The following PLEKHG4 variants were observed in gnomAD, a reference collection of about 807,000 sequenced individuals.
The protein encoded by PLEKHG4 is puratrophin-1.
PLEKHG4 carries 85 observed loss-of-function variants against 136.9 expected under a neutral mutation model. The observed-to-expected ratio is 0.62, with a 90% CI of 0.52 to 0.74. The LOEUF (loss-of-function observed/expected upper bound fraction) is 0.74, where lower values mean the gene tolerates loss of function less well. PLEKHG4 is among the 30% of genes least tolerant of loss of function. The probability of loss-of-function intolerance (pLI) is 0.00; values close to 1 mark genes in which losing one functional copy is unlikely to be tolerated. For synonymous variants in PLEKHG4, 577 were observed against 646.9 expected (o/e 0.89, Z 1.64); for missense variants, 1,317 against 1,527.8 (o/e 0.86, Z 2.30).
In PLEKHG4 at chr16:67,279,965, C is replaced by A; in HGVS notation, c.-80C>A. 4 of 1,449,188 alleles carry A rather than the reference C, an allele frequency of 2.8e-6. No homozygotes were observed. Among genetic ancestry groups the A allele is most frequent in the Non-Finnish European group, 3.8e-6 (4 of 1,062,964 alleles). The allele number at this position is 1,449,188 out of a possible 1,614,324, so 89.8% of individuals were successfully genotyped here. A position where few individuals can be genotyped will look rare whatever the true frequency, so the allele number is the denominator to read the frequency against. On this transcript the variant is annotated 5_prime_UTR_variant, in exon 2 of 22. Coordinates refer to ENST00000379344, the MANE Select transcript of PLEKHG4 (RefSeq NM_001129729.3). ...CCTGCATTGCCCACTGAGTCCCACTCGACTGTCTTCAGCGCGGTTCACACT... is the reference window on the plus strand; with the variant it reads ...CCTGCATTGCCCACTGAGTCCCACTAGACTGTCTTCAGCGCGGTTCACACT...
At position 67,284,911 on chromosome 16, in the gene PLEKHG4, C is replaced by T. The variant is rs138070673; in HGVS notation, c.1891C>T (p.Arg631Trp). The change falls in exon 13 of 22, where the codon CGG becomes TGG. Residue 631 changes from arginine (R) to tryptophan (W), a missense_variant. Coordinates refer to ENST00000379344, the MANE Select transcript of PLEKHG4 (RefSeq NM_001129729.3). The surrounding 1 kb of genome is among the most constrained non-coding windows in gnomAD (Gnocchi z 4.4). ...IRQECRWAWA[R>W]CQDTWLALDQ... ...CCAGGAGTGCCGCTGGGCCTGGGCGCGGTGCCAGGACACCTGGCTGGCCCT... is the reference window on the plus strand; with the variant it reads ...CCAGGAGTGCCGCTGGGCCTGGGCGTGGTGCCAGGACACCTGGCTGGCCCT... The T allele has an allele frequency of 4.3e-4, 699 of 1,612,594 alleles. 3 individuals are homozygous for T. The highest frequency in any genetic ancestry group is 6.6e-4 in the Middle Eastern group (4 of 6,056).
At chr16:67,282,173 C>T (rs757141425) in intron 8 of PLEKHG4, 28 bp from the exon 9 acceptor site, 11 of 1,613,484 alleles carry the variant, frequency 6.8e-6, no homozygotes, top group Non-Finnish European at 3.4e-6. Context: ...CCATGGCCAC[C>T]TCCACAGCTT....
Position 67,281,589 on chromosome 16 carries a change from A to C in PLEKHG4, c.836A>C (p.Tyr279Ser). 6.2e-7 allele frequency: 1 copy of C among 1,613,784 alleles called. No homozygotes were observed. Among genetic ancestry groups the C allele is most frequent in the Non-Finnish European group, 8.5e-7 (1 of 1,179,870 alleles). ...CAGGAAGCAGCCCCAGGGGCCGTGTACCAGGTGCTGCTAGTGGGAAGCACG... is the reference window on the plus strand; with the variant it reads ...CAGGAAGCAGCCCCAGGGGCCGTGTCCCAGGTGCTGCTAGTGGGAAGCACG... ...QLQEAAPGAV[Y>S]QVLLVGSTLL... The change falls in exon 6 of 22, where the codon TAC (tyrosine) becomes TCC (serine). Residue 279 changes from tyrosine (Y) to serine (S), a missense_variant. Tyr to Ser is a moderately radical substitution (Grantham distance 144, BLOSUM62 -2). Coordinates refer to ENST00000379344, the MANE Select transcript of PLEKHG4 (RefSeq NM_001129729.3).
At chr16:67,287,547 G>A in intron 18 of PLEKHG4, 1 of 483,858 alleles carries the variant, frequency 2.1e-6, no homozygotes. Flanking sequence ...CTACAGGCAT[G>A]TGCCACCATG....
In PLEKHG4 at chr16:67,284,991, C is replaced by G; in HGVS notation, c.1971C>G (p.Ser657Arg). 6.2e-7 allele frequency: 1 copy of G among 1,613,470 alleles called. No individual in the cohort carries two copies. Among genetic ancestry groups the G allele is most frequent in the South Asian group, 1.1e-5 (1 of 91,082 alleles). ...TACCACCGGTGGGCAGCACAGCTAG[C>G]CTGTGTGTCAGCCAGGTCCCCGCTG... ...LKLPPVGSTA[S>R]LCVSQVPAAP... is the part of the protein sequence containing the mutation. Residue 657 changes from serine to arginine, a missense_variant, in exon 13 of 22, where the codon AGC (serine) becomes AGG (arginine). Physicochemically the swap from Ser to Arg is moderately radical, Grantham distance 110. Transcript: ENST00000379344. This position sits in a 1 kb window ranked among gnomAD's most constrained non-coding sequence, Gnocchi z 4.4.
rs914852664 is a variant in PLEKHG4, at chr16:67,280,526, C to T, written c.482C>T (p.Ser161Leu). 1 of 1,612,300 alleles carries T rather than the reference C, an allele frequency of 6.2e-7. No individual in the cohort carries two copies. The highest frequency in any genetic ancestry group is 8.5e-7 in the Non-Finnish European group (1 of 1,179,556). ...VGLGDPLSEI[S>L]KLLEAAPSGS... The stretch of plus-strand genomic sequence containing the variant: ...CTTGGAGACCCTTTATCAGAAATAT[C>T]AAAGCTGCTGGAGGCAGGTAAGGAA... The change falls in exon 2 of 22, where the codon TCA becomes TTA. Residue 161 changes from serine (S) to leucine (L), a missense_variant. By Grantham distance (145) the Ser-to-Leu change is moderately radical. Transcript: ENST00000379344. This position sits in a 1 kb window ranked among gnomAD's most constrained non-coding sequence, Gnocchi z 4.4.
rs1184031804 is a variant in PLEKHG4, at chr16:67,287,078, A to G, written c.3004A>G (p.Arg1002Gly). The G allele has an allele frequency of 1.9e-6, 3 of 1,613,276 alleles. No homozygotes were observed. Among genetic ancestry groups the G allele is most frequent in the Non-Finnish European group, 2.5e-6 (3 of 1,180,052 alleles). ...FEIWFRRRKA[R>G]DTFVLQASSL... ...GATCTGGTTCCGCCGCCGCAAGGCC[A>G]GGGACACCTTTGTGCTGCAGGCCTC... Residue 1002 changes from arginine (R) to glycine (G), a missense_variant, in exon 18 of 22, where the codon AGG becomes GGG. Arg to Gly is a moderately radical substitution (Grantham distance 125). Transcript: ENST00000379344.
chr16:67,280,724 C>T lies in PLEKHG4; in HGVS notation c.513C>T (p.Ser171=), dbSNP rs761452198. 36 of 1,613,980 alleles carry T rather than the reference C, an allele frequency of 2.2e-5. No homozygotes were observed. The highest frequency in any genetic ancestry group is 1.6e-4 in the Middle Eastern group (1 of 6,084). Reference sequence around the variant, plus strand: ...TCCCTTCCCAAGCCCCCAGTGGATCCGGCCTCCCTAAGCCTGCTGACTGCC... The same window carrying T: ...TCCCTTCCCAAGCCCCCAGTGGATCTGGCCTCCCTAAGCCTGCTGACTGCC... ...SKLLEAAPSG[S]GLPKPADCLL... The change falls in exon 3 of 22, where the codon TCC becomes TCT. Residue 171 remains serine (S), a synonymous_variant. Transcript: ENST00000379344. This position sits in a 1 kb window ranked among gnomAD's most constrained non-coding sequence, Gnocchi z 4.4.
Position 67,286,633 on chromosome 16 carries a change from CCTG to C in PLEKHG4, c.2725_2727del (p.Leu909del), listed in dbSNP as rs763446136. The C allele has an allele frequency of 2.9e-4, 447 of 1,566,944 alleles. 2 individuals carry two copies. The highest frequency in any genetic ancestry group is 3.2e-4 in the Non-Finnish European group (372 of 1,155,448). On this transcript the variant is annotated inframe_deletion, in exon 16 of 22. Coordinates refer to ENST00000379344, the MANE Select transcript of PLEKHG4 (RefSeq NM_001129729.3). ...ACTTCCAGCTGCGGCACGGAAACGA[CCTG>C]CTGGCCATGGACGCCATCCAGGGCT... is the stretch of plus-strand genomic sequence containing the variant.
rs1249373863 is a variant in PLEKHG4 at position 67,280,181 on chromosome 16, C to T, written c.137C>T (p.Pro46Leu). 1.9e-6 allele frequency: 3 copies of T among 1,613,792 alleles called. No individual in the cohort carries two copies. Among genetic ancestry groups the T allele is most frequent in the East Asian group, 2.2e-5 (1 of 44,896 alleles). The change falls in exon 2 of 22, where the codon CCA (proline) becomes CTA (leucine). Residue 46 changes from proline to leucine, a missense_variant. Pro to Leu is a moderately conservative substitution (Grantham distance 98). Coordinates refer to ENST00000379344, the MANE Select transcript of PLEKHG4 (RefSeq NM_001129729.3). The surrounding 1 kb of genome is among the most constrained non-coding windows in gnomAD (Gnocchi z 4.4). ...EPASQMHVKD[P>L]GPPRPPAGAT... ...GCTTCCCAGATGCACGTTAAGGACC[C>T]AGGTCCTCCAAGACCACCAGCCGGG...
Position 67,284,673 on chromosome 16 carries a change from A to G in PLEKHG4, c.1693-40A>G. 6.2e-7 allele frequency: 1 copy of G among 1,609,238 alleles called. No homozygotes were observed. The highest frequency in any genetic ancestry group is 8.5e-7 in the Non-Finnish European group (1 of 1,178,558). On this transcript the variant is annotated intron_variant, in intron 12 of 21. Coordinates refer to ENST00000379344, the MANE Select transcript of PLEKHG4 (RefSeq NM_001129729.3). This position sits in a 1 kb window ranked among gnomAD's most constrained non-coding sequence, Gnocchi z 4.4. ...GAGCAGAGTGCCCAGCAGGCTTGGC[A>G]GGATCTTCCTCTAATGCTTGTCCGG...
chr16:67,286,447 C>T lies in PLEKHG4; in HGVS notation c.2535C>T (p.Asp845=). 6.2e-7 allele frequency: 1 copy of T among 1,612,440 alleles called. No homozygotes were observed. ...MSSYGHTFFK[D]KQQALGDHLD... Reference sequence around the variant, plus strand: ...AGTGGCCTCCCATCCGCCCACAGGACAAGCAGCAAGCACTGGGGGACCACC... The same window carrying T: ...AGTGGCCTCCCATCCGCCCACAGGATAAGCAGCAAGCACTGGGGGACCACC... Residue 845 remains aspartate (D), a splice_region_variant and synonymous_variant, in exon 16 of 22, where the codon GAC becomes GAT. Transcript: ENST00000379344.
chr16:67,282,708 C>A (rs368200672), intron 10 of PLEKHG4, 34 bp from the exon 11 acceptor site: 9 of 1,613,070 alleles, frequency 5.6e-6, no homozygotes. Flanking sequence ...TCCATAGCAG[C>A]TCTCTTCACT....
upstream of PLEKHG4, chr16:67,278,940 T>G (rs2036081878): frequency 6.6e-6 from 1 of 152,404 alleles, no homozygotes; most frequent in Admixed American, 6.5e-5. Flanking sequence ...CTGGCAGGCC[T>G]GGGTCAGCTC....
rs775360195 is a variant in PLEKHG4, at chr16:67,282,624, G to A, written c.1375G>A (p.Glu459Lys). Residue 459 changes from glutamate to lysine, a missense_variant, in exon 10 of 22, where the codon GAA (glutamate) becomes AAA (lysine). By Grantham distance (56) the Glu-to-Lys change is moderately conservative (BLOSUM62 1). Transcript: ENST00000379344. ...LELVQTLEARESGLHQIEVWL... is the reference protein window; with the variant it reads ...LELVQTLEARKSGLHQIEVWL... ...GTTGGTCCAAACACTGGAGGCCCGG[G>A]AAAGCGGACTGCACCAGGTCGGAAC... 1 of 1,613,956 alleles carries A rather than the reference G, an allele frequency of 6.2e-7. No homozygotes were observed. The highest frequency in any genetic ancestry group is 8.5e-7 in the Non-Finnish European group (1 of 1,180,054).
Position 67,284,504 on chromosome 16 carries a change from GA to G in PLEKHG4, c.1692+48del. On this transcript the variant is annotated intron_variant, in intron 12 of 21. Transcript: ENST00000379344. The surrounding 1 kb of genome is among the most constrained non-coding windows in gnomAD (Gnocchi z 4.4). ...TCCAAGTGATCCATGAGGCCGGAGG[GA>G]TGGCAGCCCCAGCTTCAGCAGAGCC... 2 of 1,588,994 alleles carry G rather than the reference GA, an allele frequency of 1.3e-6. No homozygotes were observed. Among genetic ancestry groups the G allele is most frequent in the East Asian group, 4.5e-5 (2 of 44,736 alleles).
In PLEKHG4 at chr16:67,285,418, G is replaced by T. The variant is rs562861622; in HGVS notation, c.2324G>T (p.Arg775Leu). The T allele has an allele frequency of 3.7e-6, 6 of 1,614,184 alleles. No homozygotes were observed. Among genetic ancestry groups the T allele is most frequent in the Non-Finnish European group, 5.1e-6 (6 of 1,180,050 alleles). ...PDVPQGLRGQ[R>L]AHLFGNLEKL... ...GTGCCCCAGGGCCTCCGCGGTCAGC[G>T]TGCCCACCTCTTTGGCAACCTGGAG... The change falls in exon 14 of 22, where the codon CGT becomes CTT. Residue 775 changes from arginine (R) to leucine (L), a missense_variant. Transcript: ENST00000379344.
intron 18 of PLEKHG4, among the ~76,000 whole-genome samples, chr16:67,287,398 T>G (rs565583291): frequency 1.5e-4 from 23 of 152,192 alleles, no homozygotes; most frequent in Non-Finnish European, 2.9e-4. Flanking sequence ...GCATCATGGC[T>G]CTCTCTCTCT....
chr16:67,284,453 G>C lies in PLEKHG4; in HGVS notation c.1688G>C (p.Arg563Thr). ...ADAERLFQLFREALTWAEEGQ... is the reference protein window; with the variant it reads ...ADAERLFQLFTEALTWAEEGQ... Reference sequence around the variant, plus strand: ...GCTGAGAGGCTGTTTCAGCTCTTCAGGGAGGTGGGTGAGAGTCTCCCCAGC... The same window carrying C: ...GCTGAGAGGCTGTTTCAGCTCTTCACGGAGGTGGGTGAGAGTCTCCCCAGC... Residue 563 changes from arginine to threonine, a missense_variant, in exon 12 of 22, where the codon AGG becomes ACG. By Grantham distance (71) the Arg-to-Thr change is moderately conservative (BLOSUM62 -1). Coordinates refer to ENST00000379344, the MANE Select transcript of PLEKHG4 (RefSeq NM_001129729.3). The surrounding 1 kb of genome is among the most constrained non-coding windows in gnomAD (Gnocchi z 4.4). 4.3e-6 allele frequency: 7 copies of C among 1,613,828 alleles called. No homozygotes were observed. The highest frequency in any genetic ancestry group is 5.1e-6 in the Non-Finnish European group (6 of 1,179,938).
Sources: allele counts gnomAD v4.1 joint callset (sites outside exome capture counted in the v4.1 genomes callset), GRCh38; gene constraint gnomAD v4.1.1; non-coding constraint Gnocchi (gnomAD v3.1); transcripts MANE v1.5; gene names NCBI Gene and HGNC (gene_info 2026-07-23, HGNC 2026-07-21).